APH1B: variants seen among roughly 807,000 people sequenced by gnomAD.
APH1B encodes gamma-secretase subunit APH-1B.
APH1B carries 27 observed loss-of-function variants against 28.2 expected under a neutral mutation model. The ratio of observed to expected loss-of-function variants is 0.96; its 90% CI spans 0.70 to 1.32. The LOEUF is 1.32. APH1B is among the 40% of genes most tolerant of loss of function. APH1B has a pLI of 0.00. For synonymous variants in APH1B, 141 were observed against 124.6 expected, an observed-to-expected ratio of 1.13 and a Z score of -0.88; for missense variants, 305 against 313.6, an observed-to-expected ratio of 0.97 and a Z score of 0.21.
chr15:63,296,697 G>A (rs541044683), intron 4 of APH1B, among the ~76,000 whole-genome samples: 4 of 143,642 alleles, frequency 2.8e-5, no homozygotes, highest in South Asian at 2.2e-4. Flanking sequence ...TTGCTCTGTC[G>A]CCCAGGCTGG....
intron 5 of APH1B, among the ~76,000 whole-genome samples, chr15:63,303,874 A>ACCACAC (rs374335586): frequency 6.9e-6 from 1 of 145,598 alleles, no homozygotes; most frequent in Admixed American, 6.8e-5. Flanking sequence ...ACACACACAC[A>ACCACAC]ACACACACAC....
chr15:63,283,028 A>G (rs2038405608), intron 2 of APH1B, among the ~76,000 whole-genome samples: 2 of 152,204 alleles, frequency 1.3e-5, no homozygotes, highest in Admixed American at 6.5e-5. Context: ...TTTCCACTTC[A>G]GTAAGATGGA....
rs1254516765 is a variant in APH1B, at chr15:63,307,237, A to G, written c.*1456A>G. ...GATTGTGGTGGGAAGAAGAATGATC[A>G]TGTTTAAAGCTAACATAGCCAGTGT... On this transcript the variant is annotated 3_prime_UTR_variant, in exon 6 of 6. Coordinates refer to ENST00000261879, the MANE Select transcript of APH1B (RefSeq NM_031301.4). 1 of 152,350 alleles carries G rather than the reference A, an allele frequency of 6.6e-6. No homozygotes were observed. The highest frequency in any genetic ancestry group is 6.5e-5 in the Admixed American group (1 of 15,304). 9.4% of individuals were successfully genotyped at this position (152,350 alleles called of 1,614,324 possible). A position where few individuals can be genotyped will look rare whatever the true frequency, so the allele number is the denominator to read the frequency against.
At chr15:63,289,742 C>T (rs1362899270) in intron 4 of APH1B, among the ~76,000 whole-genome samples, 1 of 152,170 alleles carries the variant, frequency 6.6e-6, no homozygotes, top group Non-Finnish European at 1.5e-5. Flanking sequence ...GTGGCTCATG[C>T]CTGTAATCCC....
At chr15:63,281,612 C>G (rs913073257) in intron 2 of APH1B, among the ~76,000 whole-genome samples, 1 of 151,452 alleles carries the variant, frequency 6.6e-6, no homozygotes, top group Non-Finnish European at 1.5e-5. Context: ...GTTCTAAAAC[C>G]TGAATTATCA....
chr15:63,306,618 G>C lies in APH1B; in HGVS notation c.*837G>C, dbSNP rs1384225249. On this transcript the variant is annotated 3_prime_UTR_variant, in exon 6 of 6. Transcript: ENST00000261879. Reference sequence around the variant, plus strand: ...GTTGGCTGCAGCGTTCACCATCTGAGTGCCAGTTGCTGGACTAGTTGAGGT... The same window carrying C: ...GTTGGCTGCAGCGTTCACCATCTGACTGCCAGTTGCTGGACTAGTTGAGGT... 1 of 152,290 alleles carries C rather than the reference G, an allele frequency of 6.6e-6. No individual in the cohort carries two copies. The highest frequency in any genetic ancestry group is 2.4e-5 in the African/African-American group (1 of 41,464). The allele number at this position is 152,290 out of a possible 1,614,324, so 9.4% of individuals were successfully genotyped here. A position where few individuals can be genotyped will look rare whatever the true frequency, so the allele number is the denominator to read the frequency against.
chr15:63,281,534 G>GAAAAAAAA, intron 2 of APH1B, among the ~76,000 whole-genome samples: 1 of 115,378 alleles, frequency 8.7e-6, no homozygotes, highest in Non-Finnish European at 1.9e-5. Flanking sequence ...GTCTAATTTT[G>GAAAAAAAA]AAAAAAAAAA....
At chr15:63,285,633 T>C (rs1219310346) in intron 2 of APH1B, among the ~76,000 whole-genome samples, 2 of 152,154 alleles carry the variant, frequency 1.3e-5, no homozygotes, top group Non-Finnish European at 2.9e-5. Context: ...AGATCACTTC[T>C]TTATTTTATT....
rs1192891019 is a variant in APH1B at position 63,287,546 on chromosome 15, G to C, written c.478G>C (p.Ala160Pro). 6.2e-7 allele frequency: 1 copy of C among 1,613,504 alleles called. No individual in the cohort carries two copies. The highest frequency in any genetic ancestry group is 8.5e-7 in the Non-Finnish European group (1 of 1,179,632). Reference sequence around the variant, plus strand: ...TTCTCCTCAATTCTTCCTTTATTCAGGTATGTGTCTCATAGCTGTCAACAT... The same window carrying C: ...TTCTCCTCAATTCTTCCTTTATTCACGTATGTGTCTCATAGCTGTCAACAT... ...GDSPQFFLYS[A>P]FMTLVIILLH... Residue 160 changes from alanine (A) to proline (P), a missense_variant and splice_region_variant, in exon 4 of 6, where the codon GCT becomes CCT. Coordinates refer to ENST00000261879, the MANE Select transcript of APH1B (RefSeq NM_031301.4).
chr15:63,302,829 A>G (rs189848121), intron 5 of APH1B, among the ~76,000 whole-genome samples: 124 of 152,184 alleles, frequency 8.1e-4, no homozygotes, highest in Middle Eastern at 3.4e-3. Flanking sequence ...CGTATAACAC[A>G]TGTGTCCTTG....
intron 4 of APH1B, among the ~76,000 whole-genome samples, chr15:63,300,763 T>TA (rs1371509269): frequency 1.3e-5 from 2 of 152,262 alleles, no homozygotes; most frequent in Non-Finnish European, 2.9e-5. Context: ...TCACAACAGT[T>TA]ACGTCTTTTA....
intron 3 of APH1B, 169 bp from the exon 4 acceptor site, chr15:63,287,255 G>T: frequency 3.9e-6 from 3 of 767,390 alleles, no homozygotes; most frequent in South Asian, 4.7e-5. Context: ...TTCCCTCTCT[G>T]ATTCATCATT....
At chr15:63,284,200 A>C (rs1038879083) in intron 2 of APH1B, among the ~76,000 whole-genome samples, 1 of 149,302 alleles carries the variant, frequency 6.7e-6, no homozygotes, top group African/African-American at 2.5e-5. Flanking sequence ...TATACTGTAC[A>C]TAATTGTATG....
intron 4 of APH1B, among the ~76,000 whole-genome samples, chr15:63,294,907 A>G (rs980522134): frequency 3.9e-5 from 6 of 152,346 alleles, no homozygotes; most frequent in Non-Finnish European, 7.3e-5. Flanking sequence ...AAATTCTGGA[A>G]GGCAGTGGAA....
At chr15:63,283,014 G>T (rs866777969) in intron 2 of APH1B, among the ~76,000 whole-genome samples, 1 of 152,018 alleles carries the variant, frequency 6.6e-6, no homozygotes, top group Non-Finnish European at 1.5e-5. Flanking sequence ...TGCAAACAAA[G>T]AATTTTCCAC....
In APH1B at chr15:63,287,770, G is replaced by T. The variant is rs2038463592; in HGVS notation, c.478+224G>T. 2.0e-5 allele frequency among the ~76,000 whole-genome samples: 3 copies of T among 152,192 alleles called. No individual in the cohort carries two copies. In the South Asian group the frequency reaches 6.2e-4, roughly 31 times the overall value. Reference sequence around the variant, plus strand: ...TTTAGCTTGCGTAAAATTTTATTTTGCTGTACTGACAATGTTGCTATATAG... The same window carrying T: ...TTTAGCTTGCGTAAAATTTTATTTTTCTGTACTGACAATGTTGCTATATAG... On this transcript the variant is annotated intron_variant, in intron 4 of 5. Transcript: ENST00000261879.
intron 5 of APH1B, 68 bp downstream of exon 5, chr15:63,302,540 C>A: frequency 6.5e-7 from 1 of 1,538,078 alleles, no homozygotes; most frequent in Non-Finnish European, 8.7e-7. Context: ...ATGGTAAATT[C>A]TACTCTAGAT....
At chr15:63,302,202 G>A (rs2038637007) in intron 4 of APH1B, 143 bp from the exon 5 acceptor site, 3 of 931,682 alleles carry the variant, frequency 3.2e-6, no homozygotes, top group African/African-American at 3.4e-5. Flanking sequence ...CTTTTTGAGT[G>A]TGTCAAGGCC....
intron 1 of APH1B, among the ~76,000 whole-genome samples, chr15:63,278,767 A>G (rs2038353027): frequency 6.6e-6 from 1 of 152,256 alleles, no homozygotes; most frequent in Non-Finnish European, 1.5e-5. Flanking sequence ...AGTTTTAAGA[A>G]TATGAAAATT....
Sources: allele counts gnomAD v4.1 joint callset (sites outside exome capture counted in the v4.1 genomes callset), GRCh38; gene constraint gnomAD v4.1.1; transcripts MANE v1.5; gene names NCBI Gene and HGNC (gene_info 2026-07-23, HGNC 2026-07-21).